The following UBE3C variants were observed in gnomAD, a reference collection of about 807,000 sequenced individuals.
UBE3C encodes ubiquitin protein ligase E3C.
In UBE3C, 42 loss-of-function variants were observed where a neutral mutation model predicts 129.4. That is an observed-to-expected ratio of 0.32 (90% CI 0.25 to 0.42). The LOEUF (loss-of-function observed/expected upper bound fraction) is 0.42, where lower values mean the gene tolerates loss of function less well. UBE3C is among the 10% of genes least tolerant of loss of function. The pLI, the probability that UBE3C is intolerant of heterozygous loss-of-function variation, is 1.00. For synonymous variants in UBE3C, 510 were observed against 492.4 expected (o/e 1.04, Z -0.47); for missense variants, 1,049 against 1,319.1 (o/e 0.80, Z 3.17).
At chr7:157,214,667 T>C (rs567934454) in intron 13 of UBE3C, among the ~76,000 whole-genome samples, 21 of 152,350 alleles carry the variant, frequency 1.4e-4, no homozygotes, top group Non-Finnish European at 2.5e-4. Flanking sequence ...ACAAAAAGAT[T>C]GTACTTCTGT....
intron 18 of UBE3C, among the ~76,000 whole-genome samples, chr7:157,246,383 G>A (rs1796477593): frequency 6.6e-6 from 1 of 152,208 alleles, no homozygotes. Context: ...CTCTCTGGAA[G>A]CTACTTACTC....
intron 10 of UBE3C, chr7:157,198,272 C>G (rs1299979926): frequency 9.4e-7 from 1 of 1,063,632 alleles, no homozygotes; most frequent in African/African-American, 1.6e-5. Context: ...AGGTGGTGTC[C>G]GTGGGCTCTT....
rs1795789843 is a variant in UBE3C, at chr7:157,223,343, C to A, written c.2092C>A (p.Arg698=). The change falls in exon 16 of 23, where the codon CGA becomes AGA. Residue 698 remains arginine, a synonymous_variant. Transcript: ENST00000348165. ...ELPFVVPFEE[R]VKIFQRLIYA... ...GCCTTTTGTGGTTCCATTTGAGGAA[C>A]GAGTAAAGGTATGCAATTTGGCTTC... 3.1e-6 allele frequency: 5 copies of A among 1,611,076 alleles called. No homozygotes were observed. The highest frequency in any genetic ancestry group is 1.3e-5 in the African/African-American group (1 of 74,694).
At position 157,181,590 on chromosome 7, in the gene UBE3C, G is replaced by C; in HGVS notation, c.689G>C (p.Arg230Pro). The change falls in exon 7 of 23, where the codon CGA (arginine) becomes CCA (proline). Residue 230 changes from arginine to proline, a missense_variant. Around this residue, in one of 4 missense-constraint regions of UBE3C, gnomAD observed 489 missense variants for 513.8 expected, o/e 0.95. Coordinates refer to ENST00000348165, the MANE Select transcript of UBE3C (RefSeq NM_014671.3). The part of the protein sequence containing the change: ...PSSIEYSDLS[R>P]VPIAKILLEN... Reference sequence around the variant, plus strand: ...AGTATTGAATATTCTGATTTATCTCGAGTTCCTATAGCAAAAATTTTGCTA... The same window carrying C: ...AGTATTGAATATTCTGATTTATCTCCAGTTCCTATAGCAAAAATTTTGCTA... The C allele has an allele frequency of 6.2e-7, 1 of 1,613,580 alleles. No homozygotes were observed. The highest frequency in any genetic ancestry group is 8.5e-7 in the Non-Finnish European group (1 of 1,179,848).
chr7:157,200,706 C>T (rs969396159), intron 10 of UBE3C, among the ~76,000 whole-genome samples: 3 of 152,094 alleles, frequency 2.0e-5, no homozygotes, highest in African/African-American at 7.2e-5. Context: ...GCAATCTTGG[C>T]TCACTGCAGC....
intron 6 of UBE3C, 70 bp downstream of exon 6, chr7:157,178,917 G>T (rs1586666680): frequency 6.4e-7 from 1 of 1,558,472 alleles, no homozygotes; most frequent in East Asian, 2.3e-5. Context: ...CCAGCCTGCT[G>T]CTGTGAGCCT....
In UBE3C at chr7:157,257,055, T is replaced by G. The variant is rs1328564340; in HGVS notation, c.3081+11T>G. ...CTCTTGGGGTTTAAGGTACACAACT[T>G]TCATGACATTTGCTTTAAAGACCAC... On this transcript the variant is annotated intron_variant, in intron 22 of 22. Coordinates refer to ENST00000348165, the MANE Select transcript of UBE3C (RefSeq NM_014671.3). 3.7e-6 allele frequency: 6 copies of G among 1,613,828 alleles called. No homozygotes were observed. Among genetic ancestry groups the G allele is most frequent in the Non-Finnish European group, 5.1e-6 (6 of 1,179,872 alleles).
chr7:157,184,272 A>G (rs563771911), intron 9 of UBE3C, among the ~76,000 whole-genome samples: 1 of 152,316 alleles, frequency 6.6e-6, no homozygotes, highest in East Asian at 1.9e-4. Context: ...TTTTTAGGCA[A>G]AATAGGATCA....
intron 17 of UBE3C, among the ~76,000 whole-genome samples, chr7:157,230,706 A>G (rs1484510355): frequency 1.5e-5 from 2 of 131,780 alleles, no homozygotes; most frequent in African/African-American, 5.0e-5. Context: ...AAAAAAAAAA[A>G]AAAAAAAACC....
At chr7:157,216,054 G>A (rs185566352) in intron 13 of UBE3C, among the ~76,000 whole-genome samples, 11 of 152,294 alleles carry the variant, frequency 7.2e-5, no homozygotes, top group African/African-American at 2.6e-4. Context: ...ACATAGTGAA[G>A]TGTGTCCAGG....
intron 14 of UBE3C, among the ~76,000 whole-genome samples, chr7:157,219,652 A>G (rs1795684428): frequency 6.6e-6 from 1 of 152,214 alleles, no homozygotes; most frequent in Non-Finnish European, 1.5e-5. Context: ...CTGTAATCCC[A>G]GCACTTTGGG....
Position 157,254,023 on chromosome 7 carries a change from T to A in UBE3C, c.2764T>A (p.Leu922Met). 1 of 1,613,382 alleles carries A rather than the reference T, an allele frequency of 6.2e-7. No individual in the cohort carries two copies. The highest frequency in any genetic ancestry group is 8.5e-7 in the Non-Finnish European group (1 of 1,179,756). The part of the protein sequence containing the change: ...TSANRIAYIH[L>M]VADYRLNRQI... ...CGCCAACCGGATTGCGTACATCCAC[T>A]TGGTGGCAGACTACAGGCTGAACAG... The change falls in exon 20 of 23, where the codon TTG (leucine) becomes ATG (methionine). Residue 922 changes from leucine to methionine, a missense_variant. Transcript: ENST00000348165.
intron 18 of UBE3C, among the ~76,000 whole-genome samples, chr7:157,242,514 GTTTTTTTTTT>G (rs33913991): frequency 8.9e-6 from 1 of 112,126 alleles, no homozygotes; most frequent in Non-Finnish European, 1.8e-5. Context: ...AGCCTGAGTT[GTTTTTTTTTT>G]TTTTTTTTTT....
At chr7:157,266,476 G>A (rs1339114313) in intron 22 of UBE3C, among the ~76,000 whole-genome samples, 1 of 151,982 alleles carries the variant, frequency 6.6e-6, no homozygotes, top group Non-Finnish European at 1.5e-5. Context: ...AATCATCGTG[G>A]AGATCCACTT....
chr7:157,210,316 G>A (rs556136980), intron 13 of UBE3C, among the ~76,000 whole-genome samples: 2 of 150,990 alleles, frequency 1.3e-5, no homozygotes, highest in Non-Finnish European at 2.9e-5. Flanking sequence ...CTGTTCTTTG[G>A]TCACCTGTCC....
chr7:157,175,080 C>T (rs747148978), intron 5 of UBE3C, 46 bp downstream of exon 5: 1 of 1,366,768 alleles, frequency 7.3e-7, no homozygotes, highest in Non-Finnish European at 9.9e-7. Context: ...GTATTGATCA[C>T]CTTGTCTAGG....
intron 1 of UBE3C, among the ~76,000 whole-genome samples, chr7:157,160,263 C>T (rs1005345924): frequency 1.3e-5 from 2 of 151,986 alleles, no homozygotes; most frequent in Admixed American, 6.6e-5. Context: ...TTAGTAGAGA[C>T]GGGGTTCCAC....
intron 10 of UBE3C, among the ~76,000 whole-genome samples, chr7:157,191,376 C>T (rs1296788725): frequency 6.6e-6 from 1 of 152,202 alleles, no homozygotes; most frequent in Admixed American, 6.5e-5. Context: ...ACTGAAACCC[C>T]GCCTCCCAGG....
At chr7:157,221,008 A>G (rs1795722365) in intron 15 of UBE3C, 8 of 445,942 alleles carry the variant, frequency 1.8e-5, no homozygotes, top group South Asian at 1.7e-4. Flanking sequence ...CCTTTTGCAA[A>G]AGGCCTCCAA....
Sources: allele counts gnomAD v4.1 joint callset (sites outside exome capture counted in the v4.1 genomes callset), GRCh38; gene constraint gnomAD v4.1.1; regional missense constraint gnomAD v4.1.1; transcripts MANE v1.5; gene names NCBI Gene and HGNC (gene_info 2026-07-23, HGNC 2026-07-21).